Variants in PDS5A observed in about 807,000 individuals in gnomAD.
PDS5A encodes PDS5 cohesin associated factor A.
In PDS5A, 42 loss-of-function variants were observed where a neutral mutation model predicts 167.1. That is an observed-to-expected ratio of 0.25 (90% CI 0.20 to 0.33). PDS5A has a LOEUF of 0.33. Ranked by LOEUF, PDS5A falls within the 10% of genes least tolerant of loss-of-function variation. The pLI, the probability that PDS5A is intolerant of heterozygous loss-of-function variation, is 1.00. For missense variants in PDS5A, 1,033 were observed against 1,605.9 expected, an observed-to-expected ratio of 0.64 and a Z score of 6.10; for synonymous variants, 553 against 554.6, an observed-to-expected ratio of 1.00 and a Z score of 0.04.
At chr4:39,917,476 T>C in intron 7 of PDS5A, among the ~76,000 whole-genome samples, 1 of 152,194 alleles carries the variant, frequency 6.6e-6, no homozygotes. Context: ...GAATCTTTGT[T>C]TTCATTAAAA....
At chr4:39,860,156 C>A (rs1009569765) in intron 26 of PDS5A, among the ~76,000 whole-genome samples, 1 of 151,938 alleles carries the variant, frequency 6.6e-6, no homozygotes, top group Non-Finnish European at 1.5e-5. Context: ...GATATATATC[C>A]AAAATAAAGG....
At chr4:39,829,648 AC>A (rs1264159119) in intron 32 of PDS5A, among the ~76,000 whole-genome samples, 4 of 146,042 alleles carry the variant, frequency 2.7e-5, no homozygotes, top group African/African-American at 1.0e-4. Context: ...CTTCATCTCC[AC>A]AAAAAAAAAA....
chr4:39,835,160 G>C (rs968876262), intron 32 of PDS5A, among the ~76,000 whole-genome samples: 5 of 152,024 alleles, frequency 3.3e-5, no homozygotes, highest in Non-Finnish European at 7.4e-5. Context: ...GGCTGATCTT[G>C]AACTCCTGAC....
intron 16 of PDS5A, among the ~76,000 whole-genome samples, chr4:39,895,348 T>A (rs1722311089): frequency 6.6e-6 from 1 of 152,194 alleles, no homozygotes; most frequent in Non-Finnish European, 1.5e-5. Flanking sequence ...CTAAATACTG[T>A]AGGGAACTGT....
intron 26 of PDS5A, among the ~76,000 whole-genome samples, chr4:39,854,627 G>A (rs1177072065): frequency 1.3e-5 from 2 of 151,986 alleles, no homozygotes; most frequent in East Asian, 3.9e-4. Flanking sequence ...GCCTATTCTA[G>A]GTACTCCCAC....
At chr4:39,915,394 C>A (rs1190205306) in intron 8 of PDS5A, among the ~76,000 whole-genome samples, 1 of 131,380 alleles carries the variant, frequency 7.6e-6, no homozygotes, top group Non-Finnish European at 1.5e-5. Flanking sequence ...GGGTGTGGCT[C>A]TATCACCCAG....
rs1731246974 is a variant in PDS5A at position 39,977,606 on chromosome 4, G to A, written c.-190C>T. ...CCCGCCCGCCCGGGAGCGGCGCTGG[G>A]GCTGGCGGTGCCGAGGAGGAGCAGC... On this transcript the variant is annotated 5_prime_UTR_variant, in exon 1 of 33. Coordinates refer to ENST00000303538, the MANE Select transcript of PDS5A (RefSeq NM_001100399.2). The surrounding 1 kb of genome is among the most constrained non-coding windows in gnomAD (Gnocchi z 4.2). 6.3e-6 allele frequency: 1 copy of A among 157,894 alleles called. No individual in the cohort carries two copies. Among genetic ancestry groups the A allele is most frequent in the Admixed American group, 6.6e-5 (1 of 15,166 alleles). 9.8% of individuals were successfully genotyped at this position (157,894 alleles called of 1,614,324 possible). A position where few individuals can be genotyped will look rare whatever the true frequency, so the allele number is the denominator to read the frequency against.
intron 12 of PDS5A, among the ~76,000 whole-genome samples, chr4:39,903,714 C>T (rs756101199): frequency 5.3e-5 from 8 of 152,034 alleles, no homozygotes; most frequent in African/African-American, 1.7e-4. Flanking sequence ...AAAACTGAAG[C>T]GCACAAGACC....
intron 30 of PDS5A, 93 bp from the exon 31 acceptor site, chr4:39,842,149 C>T (rs908762769): frequency 5.4e-5 from 40 of 735,796 alleles, no homozygotes; most frequent in African/African-American, 1.2e-4. Context: ...AGGCTGGTTT[C>T]GAAACCTTGA....
intron 32 of PDS5A, among the ~76,000 whole-genome samples, chr4:39,834,086 G>A (rs1325519946): frequency 2.6e-5 from 4 of 151,936 alleles, no homozygotes; most frequent in Non-Finnish European, 5.9e-5. Flanking sequence ...GCACAGTGGC[G>A]CGTGCCTGTA....
At chr4:39,870,004 G>C (rs149505644) in intron 21 of PDS5A, among the ~76,000 whole-genome samples, 36 of 152,232 alleles carry the variant, frequency 2.4e-4, no homozygotes, top group African/African-American at 8.7e-4. Flanking sequence ...AGCTACTCGG[G>C]AGGCTGAGGC....
At chr4:39,913,114 C>G (rs1724038797) in intron 9 of PDS5A, among the ~76,000 whole-genome samples, 1 of 148,232 alleles carries the variant, frequency 6.7e-6, no homozygotes, top group Admixed American at 6.8e-5. Flanking sequence ...TAGACAGAGT[C>G]TCACTCTGTC....
At chr4:39,833,451 T>A (rs1283636248) in intron 32 of PDS5A, among the ~76,000 whole-genome samples, 1 of 152,086 alleles carries the variant, frequency 6.6e-6, no homozygotes, top group Non-Finnish European at 1.5e-5. Context: ...AGGAGTGGCA[T>A]GATCATGACT....
chr4:39,830,613 T>G (rs1162314457), intron 32 of PDS5A, among the ~76,000 whole-genome samples: 3 of 152,018 alleles, frequency 2.0e-5, no homozygotes, highest in Non-Finnish European at 1.5e-5. Context: ...TTAGTAGAGA[T>G]AGGGTTTCAC....
In PDS5A at chr4:39,849,577, T is replaced by C. The variant is rs1412244325; in HGVS notation, c.3162A>G (p.Ala1054=). Residue 1054 remains alanine (A), a synonymous_variant, in exon 27 of 33, where the codon GCA becomes GCG. Transcript: ENST00000303538. ...CATCTCTGGTTAACTTGATGTTCTC[T>C]GCCATCTTCTTCATAAAGGCATGGC... ...NNSHAFMKKM[A]ENIKLTRDAQ... 6.2e-7 allele frequency: 1 copy of C among 1,610,610 alleles called. No homozygotes were observed. Among genetic ancestry groups the C allele is most frequent in the Non-Finnish European group, 8.5e-7 (1 of 1,176,980 alleles).
chr4:39,854,510 C>CA (rs1157652845), intron 26 of PDS5A, among the ~76,000 whole-genome samples: 4 of 152,178 alleles, frequency 2.6e-5, no homozygotes, highest in Admixed American at 2.0e-4. Flanking sequence ...CTGTTCTTTC[C>CA]AGTAGTGGTA....
chr4:39,934,506 T>A (rs1023989858), intron 2 of PDS5A, among the ~76,000 whole-genome samples: 2 of 152,178 alleles, frequency 1.3e-5, no homozygotes, highest in African/African-American at 4.8e-5. Flanking sequence ...CATACACTTA[T>A]GAGAATTAAA....
chr4:39,938,161 T>C (rs1726822104), intron 2 of PDS5A, among the ~76,000 whole-genome samples: 1 of 152,230 alleles, frequency 6.6e-6, no homozygotes, highest in African/African-American at 2.4e-5. Flanking sequence ...AAATGTTATC[T>C]GACCACTTGG....
At chr4:39,888,463 G>A (rs1721676796) in intron 17 of PDS5A, among the ~76,000 whole-genome samples, 1 of 151,886 alleles carries the variant, frequency 6.6e-6, no homozygotes, top group Admixed American at 6.6e-5. Flanking sequence ...TTTTAAAAAG[G>A]AAATTAATAT....
Sources: gnomAD v4.1 joint callset for allele counts (sites outside exome capture counted in the v4.1 genomes callset) on GRCh38, gnomAD v4.1.1 for gene constraint, Gnocchi (gnomAD v3.1) non-coding constraint, MANE v1.5 for transcripts, NCBI Gene and HGNC (gene_info 2026-07-23, HGNC 2026-07-21) for gene names.